NUF2: variants seen among roughly 807,000 people sequenced by gnomAD.
NUF2 encodes NUF2 component of NDC80 kinetochore complex, also known as kinetochore protein Nuf2.
NUF2 carries 34 observed loss-of-function variants against 61.8 expected under a neutral mutation model. That is an observed-to-expected ratio of 0.55 (90% CI 0.42 to 0.73). The LOEUF is 0.73. Among genes scored for constraint, NUF2 ranks in the 30% least tolerant of loss-of-function variants. NUF2 has a pLI of 0.00. For missense variants in NUF2, 445 were observed against 539.1 expected, an observed-to-expected ratio of 0.83 and a Z score of 1.73; for synonymous variants, 172 against 181.6, an observed-to-expected ratio of 0.95 and a Z score of 0.42.
intron 13 of NUF2, among the ~76,000 whole-genome samples, chr1:163,355,018 T>A (rs544832020): frequency 6.6e-6 from 1 of 152,154 alleles, no homozygotes; most frequent in Non-Finnish European, 1.5e-5. Context: ...TTATTTTCCA[T>A]GTTTAACATG....
chr1:163,348,653 A>T (rs896345054), intron 12 of NUF2, among the ~76,000 whole-genome samples: 2 of 152,184 alleles, frequency 1.3e-5, no homozygotes, highest in Non-Finnish European at 2.9e-5. Flanking sequence ...AATGTAACTT[A>T]AAAAATCTTC....
intron 5 of NUF2, among the ~76,000 whole-genome samples, chr1:163,334,554 T>C (rs1033164277): frequency 7.2e-5 from 11 of 152,176 alleles, no homozygotes; most frequent in African/African-American, 2.7e-4. Flanking sequence ...GGTGAGAGAA[T>C]TGCTTGAGTC....
intron 4 of NUF2, 55 bp downstream of exon 4, chr1:163,328,359 A>G: frequency 9.1e-7 from 1 of 1,099,666 alleles, no homozygotes; most frequent in South Asian, 1.4e-5. Flanking sequence ...ATATTACATT[A>G]AGTTTTCTTA....
intron 13 of NUF2, among the ~76,000 whole-genome samples, chr1:163,352,726 C>T (rs576422428): frequency 9.9e-5 from 15 of 152,172 alleles, no homozygotes; most frequent in South Asian, 2.1e-4. Context: ...ATTAGCCGGG[C>T]GTGGTGGCGG....
At chr1:163,341,507 CA>C (rs1224192258) in intron 9 of NUF2, among the ~76,000 whole-genome samples, 2 of 151,992 alleles carry the variant, frequency 1.3e-5, no homozygotes, top group East Asian at 3.9e-4. Flanking sequence ...CACACCAGGC[CA>C]AAAAAATCTC....
intron 1 of NUF2, among the ~76,000 whole-genome samples, chr1:163,322,712 CAG>C (rs1217257583): frequency 1.3e-5 from 2 of 152,202 alleles, no homozygotes; most frequent in African/African-American, 4.8e-5. Flanking sequence ...TAAAATTTAA[CAG>C]AGTACTTTTA....
In NUF2 at chr1:163,326,184, G is replaced by A. The variant is rs1391334330; in HGVS notation, c.123+10G>A. On this transcript the variant is annotated intron_variant, in intron 2 of 13. Coordinates refer to ENST00000271452, the MANE Select transcript of NUF2 (RefSeq NM_145697.3). ...TTATCCAAATCCAAAGGTAAAAGGTGGTTACGTTTGCATGTGGATAATGGT... is the reference window on the plus strand; with the variant it reads ...TTATCCAAATCCAAAGGTAAAAGGTAGTTACGTTTGCATGTGGATAATGGT... 1 of 1,609,306 alleles carries A rather than the reference G, an allele frequency of 6.2e-7. No individual in the cohort carries two copies. Among genetic ancestry groups the A allele is most frequent in the African/African-American group, 1.3e-5 (1 of 74,846 alleles).
chr1:163,351,402 A>G (rs1651313706), intron 13 of NUF2, among the ~76,000 whole-genome samples: 1 of 152,142 alleles, frequency 6.6e-6, no homozygotes, highest in Non-Finnish European at 1.5e-5. Context: ...TTAATTCAGA[A>G]TTTTACTTTT....
intron 1 of NUF2, 87 bp from the exon 2 acceptor site, chr1:163,325,945 G>T: frequency 1.1e-6 from 1 of 941,818 alleles, no homozygotes; most frequent in Non-Finnish European, 1.6e-6. Flanking sequence ...GTTCAACTTT[G>T]GCTCATTTTG....
chr1:163,327,454 G>GT (rs750130509), intron 2 of NUF2, 34 bp from the exon 3 acceptor site: 1 of 1,112,402 alleles, frequency 9.0e-7, no homozygotes, highest in South Asian at 1.3e-5. Flanking sequence ...TTAGAGTTAT[G>GT]CATCGGAGTA....
intron 2 of NUF2, among the ~76,000 whole-genome samples, chr1:163,326,480 A>G (rs560685344): frequency 2.0e-5 from 3 of 151,962 alleles, no homozygotes; most frequent in East Asian, 3.9e-4. Flanking sequence ...GTGGTCTGAG[A>G]GTATCATTTA....
Position 163,328,216 on chromosome 1 carries a change from T to C in NUF2, c.199-12T>C, listed in dbSNP as rs1299315615. 1 of 1,584,408 alleles carries C rather than the reference T, an allele frequency of 6.3e-7. No homozygotes were observed. Among genetic ancestry groups the C allele is most frequent in the Non-Finnish European group, 8.6e-7 (1 of 1,159,090 alleles). ...AATGTGTAATGTCGATTTTGTGGTT[T>C]ATTGCATTTAGATGCCAGTGAACTC... On this transcript the variant is annotated splice_polypyrimidine_tract_variant and intron_variant, in intron 3 of 13. Coordinates refer to ENST00000271452, the MANE Select transcript of NUF2 (RefSeq NM_145697.3).
At chr1:163,330,475 C>T (rs1650558166) in intron 5 of NUF2, among the ~76,000 whole-genome samples, 1 of 152,122 alleles carries the variant, frequency 6.6e-6, no homozygotes, top group Non-Finnish European at 1.5e-5. Flanking sequence ...TTTAGCTTTA[C>T]AGTAAATTTT....
intron 2 of NUF2, among the ~76,000 whole-genome samples, chr1:163,326,979 T>C (rs1650438392): frequency 6.6e-6 from 1 of 152,142 alleles, no homozygotes; most frequent in Non-Finnish European, 1.5e-5. Flanking sequence ...TTTTAGAAGA[T>C]CCGGTTTTTA....
intron 5 of NUF2, among the ~76,000 whole-genome samples, chr1:163,335,280 T>G (rs796141855): frequency 4.6e-5 from 7 of 152,234 alleles, no homozygotes; most frequent in African/African-American, 1.7e-4. Flanking sequence ...GACTGGTGCA[T>G]CCACAGACTT....
chr1:163,340,312 C>T, intron 8 of NUF2, 52 bp from the exon 9 acceptor site: 1 of 1,376,412 alleles, frequency 7.3e-7, no homozygotes, highest in African/African-American at 1.4e-5. Flanking sequence ...CAGTGAGTGG[C>T]TAAATCTAAA....
rs139953385 is a variant in NUF2 at position 163,347,139 on chromosome 1, A to G, written c.949-624A>G. Among the ~76,000 whole-genome samples the G allele has an allele frequency of 5.8e-3, 886 of 152,294 alleles. 11 individuals carry two copies. The highest frequency in any genetic ancestry group is 0.02 in the African/African-American group (847 of 41,550). On this transcript the variant is annotated intron_variant, in intron 11 of 13. Transcript: ENST00000271452. ...GTGCCCAACACTGTATCTAGGACCTATAGAGAGATTTAAAGTTTATTACAT... is the reference window on the plus strand; with the variant it reads ...GTGCCCAACACTGTATCTAGGACCTGTAGAGAGATTTAAAGTTTATTACAT...
chr1:163,327,142 A>C (rs1490898390), intron 2 of NUF2, among the ~76,000 whole-genome samples: 1 of 148,260 alleles, frequency 6.7e-6, no homozygotes, highest in African/African-American at 2.5e-5. Context: ...ACACACACAC[A>C]TTTTCCATGT....
intron 1 of NUF2, among the ~76,000 whole-genome samples, chr1:163,325,642 T>G (rs1650392765): frequency 6.6e-6 from 1 of 152,210 alleles, no homozygotes; most frequent in African/African-American, 2.4e-5. Context: ...ATATAGCTTC[T>G]GCTGATGATG....
Sources: allele counts gnomAD v4.1 joint callset (sites outside exome capture counted in the v4.1 genomes callset), GRCh38; gene constraint gnomAD v4.1.1; transcripts MANE v1.5; gene names NCBI Gene and HGNC (gene_info 2026-07-23, HGNC 2026-07-21).